TEAD1: variants seen among roughly 807,000 people sequenced by gnomAD.
TEAD1 encodes the protein TEA domain transcription factor 1, also known as transcriptional enhancer factor TEF-1.
A neutral mutation model predicts 54.9 loss-of-function variants in TEAD1; 9 were observed. The ratio of observed to expected loss-of-function variants is 0.16; its 90% CI spans 0.10 to 0.29. TEAD1 has a LOEUF of 0.29. Among genes scored for constraint, TEAD1 ranks in the 10% least tolerant of loss-of-function variants. The pLI, the probability that TEAD1 is intolerant of heterozygous loss-of-function variation, is 1.00. For synonymous variants in TEAD1, 200 were observed against 187.8 expected (o/e 1.07, Z -0.53); for missense variants, 387 against 535.9 (o/e 0.72, Z 2.74).
intron 3 of TEAD1, among the ~76,000 whole-genome samples, chr11:12,796,096 G>A (rs1945913325): frequency 6.6e-6 from 1 of 152,152 alleles, no homozygotes; most frequent in Non-Finnish European, 1.5e-5. Flanking sequence ...TGGGCCAGGA[G>A]GGGGGCTAGT....
chr11:12,713,859 C>G (rs1943996583), intron 2 of TEAD1, among the ~76,000 whole-genome samples: 1 of 152,184 alleles, frequency 6.6e-6, no homozygotes, highest in Non-Finnish European at 1.5e-5. Flanking sequence ...CATCACATCT[C>G]CATACTAATG....
intron 3 of TEAD1, among the ~76,000 whole-genome samples, chr11:12,794,842 C>T (rs996305768): frequency 6.6e-6 from 1 of 152,198 alleles, no homozygotes; most frequent in Admixed American, 6.5e-5. Flanking sequence ...GCTACTTTTC[C>T]TTTAAGGGGG....
Position 12,788,789 on chromosome 11 carries a change from C to T in TEAD1, c.202+24355C>T, listed in dbSNP as rs907135980. Among the ~76,000 whole-genome samples the T allele has an allele frequency of 2.0e-4, 31 of 152,312 alleles. 1 individual carries two copies. Among genetic ancestry groups the T allele is most frequent in the African/African-American group, 7.5e-4 (31 of 41,580 alleles). On this transcript the variant is annotated intron_variant, in intron 3 of 12. Coordinates refer to ENST00000527636, the MANE Select transcript of TEAD1 (RefSeq NM_021961.6). ...GTAAAATGCAATGTGTGCTAAAATG[C>T]ATCTATATGTGTATAATTTAAAAGG...
In TEAD1 at chr11:12,901,958, G is replaced by A. The variant is rs1463561184; in HGVS notation, c.718G>A (p.Val240Met). ...CTTACAGTACAACAAACACCTCTTC[G>A]TGCACATTGGGCATGCCAACCATTC... Residue 240 changes from valine to methionine, a missense_variant, in exon 10 of 13, where the codon GTG becomes ATG. Around this residue, in one of 5 missense-constraint regions of TEAD1, gnomAD observed 180 missense variants for 180.6 expected, o/e 1.00. Transcript: ENST00000527636. 5.6e-6 allele frequency: 9 copies of A among 1,613,996 alleles called. No homozygotes were observed. The highest frequency in any genetic ancestry group is 1.7e-5 in the Admixed American group (1 of 60,000).
intron 2 of TEAD1, among the ~76,000 whole-genome samples, chr11:12,693,947 C>T (rs779886854): frequency 3.3e-5 from 5 of 152,174 alleles, no homozygotes; most frequent in Non-Finnish European, 5.9e-5. Context: ...TGCTGCCTGC[C>T]TTTGTAAGCG....
At chr11:12,773,666 C>T (rs1945359229) in intron 3 of TEAD1, among the ~76,000 whole-genome samples, 1 of 152,094 alleles carries the variant, frequency 6.6e-6, no homozygotes, top group African/African-American at 2.4e-5. Flanking sequence ...ATACAACTCC[C>T]TTTTTTGGAT....
chr11:12,718,351 C>T (rs903607791), intron 2 of TEAD1, among the ~76,000 whole-genome samples: 3 of 152,174 alleles, frequency 2.0e-5, no homozygotes, highest in Non-Finnish European at 4.4e-5. Flanking sequence ...CGGCCCCTCA[C>T]AGGATTGTCT....
intron 3 of TEAD1, among the ~76,000 whole-genome samples, chr11:12,786,639 C>G (rs1475360231): frequency 6.6e-6 from 1 of 152,162 alleles, no homozygotes; most frequent in Non-Finnish European, 1.5e-5. Context: ...CTCTTTCATT[C>G]AGTAGATGCT....
intron 3 of TEAD1, among the ~76,000 whole-genome samples, chr11:12,829,063 A>G (rs543069636): frequency 2.3e-3 from 352 of 152,132 alleles, no homozygotes; most frequent in South Asian, 0.012. Flanking sequence ...CGCCCTTAAG[A>G]GCCATCGGTT....
chr11:12,898,685 A>G (rs1948363101), intron 9 of TEAD1, among the ~76,000 whole-genome samples: 1 of 152,150 alleles, frequency 6.6e-6, no homozygotes, highest in African/African-American at 2.4e-5. Flanking sequence ...TGAGCCACCA[A>G]TCCTGGCCCC....
chr11:12,733,649 C>T (rs1163770974), intron 2 of TEAD1, among the ~76,000 whole-genome samples: 1 of 152,192 alleles, frequency 6.6e-6, no homozygotes, highest in African/African-American at 2.4e-5. Context: ...GTCACACTTC[C>T]ATCAGCCACG....
chr11:12,765,189 A>G (rs1945182438), intron 3 of TEAD1, among the ~76,000 whole-genome samples: 1 of 152,222 alleles, frequency 6.6e-6, no homozygotes, highest in East Asian at 1.9e-4. Context: ...GGCAGCAGCA[A>G]GGATCCACCT....
At position 12,703,185 on chromosome 11, in the gene TEAD1, A is replaced by G. The variant is rs75407023; in HGVS notation, c.-55+27624A>G. Among the ~76,000 whole-genome samples the G allele has an allele frequency of 9.6e-3, 1,464 of 152,274 alleles. 24 individuals are homozygous for G. The highest frequency in any genetic ancestry group is 0.033 in the African/African-American group (1,358 of 41,552). The stretch of plus-strand genomic sequence containing the variant: ...GGTCTCAGTATCAGTGGAGCATAGC[A>G]TCCCACAGATGGAATCTTTGTCACT... On this transcript the variant is annotated intron_variant, in intron 2 of 12. Coordinates refer to ENST00000527636, the MANE Select transcript of TEAD1 (RefSeq NM_021961.6).
At chr11:12,798,621 A>G (rs1315399356) in intron 3 of TEAD1, among the ~76,000 whole-genome samples, 1 of 152,202 alleles carries the variant, frequency 6.6e-6, no homozygotes, top group African/African-American at 2.4e-5. Flanking sequence ...TAAATGTGTA[A>G]ACCAAGAATG....
At chr11:12,684,959 C>T (rs914680880) in intron 2 of TEAD1, among the ~76,000 whole-genome samples, 2 of 152,190 alleles carry the variant, frequency 1.3e-5, no homozygotes, top group Non-Finnish European at 2.9e-5. Context: ...GAGCTGAGTT[C>T]CTTCTGGAAG....
intron 3 of TEAD1, among the ~76,000 whole-genome samples, chr11:12,806,372 A>G (rs1375409117): frequency 6.6e-6 from 1 of 152,172 alleles, no homozygotes; most frequent in African/African-American, 2.4e-5. Context: ...TGCCCTTTTG[A>G]GAACAGATTC....
chr11:12,680,319 A>G (rs1256916635), intron 2 of TEAD1, among the ~76,000 whole-genome samples: 2 of 152,226 alleles, frequency 1.3e-5, no homozygotes, highest in Non-Finnish European at 1.5e-5. Context: ...AGAAAGAACA[A>G]CTTAGATGGG....
intron 3 of TEAD1, among the ~76,000 whole-genome samples, chr11:12,776,765 T>C (rs1835686003): frequency 8.3e-6 from 1 of 120,428 alleles, no homozygotes; most frequent in Non-Finnish European, 1.6e-5. Flanking sequence ...TATTTATTAT[T>C]ATTATTATTA....
chr11:12,871,235 G>A (rs1055371734), intron 5 of TEAD1, among the ~76,000 whole-genome samples: 7 of 152,198 alleles, frequency 4.6e-5, no homozygotes, highest in Non-Finnish European at 1.0e-4. Context: ...CGACAGCAGT[G>A]TCACCAACAC....
Sources: allele counts gnomAD v4.1 joint callset (sites outside exome capture counted in the v4.1 genomes callset), GRCh38; gene constraint gnomAD v4.1.1; regional missense constraint gnomAD v4.1.1; transcripts MANE v1.5; gene names NCBI Gene and HGNC (gene_info 2026-07-23, HGNC 2026-07-21).